Variants in IGSF5 observed in about 807,000 individuals in gnomAD.
IGSF5 encodes the protein immunoglobulin superfamily member 5, also known as immunoglobulin superfamily 5 like.
A neutral mutation model predicts 39.4 loss-of-function variants in IGSF5; 41 were observed. That is an observed-to-expected ratio of 1.04 (90% CI 0.81 to 1.35). IGSF5 has a LOEUF of 1.35. Ranked by LOEUF, IGSF5 falls within the 40% of genes most tolerant of loss-of-function variation. IGSF5 has a pLI of 0.00. For missense variants in IGSF5, 487 were observed against 494.6 expected, an observed-to-expected ratio of 0.98 and a Z score of 0.15; for synonymous variants, 183 against 175.3, an observed-to-expected ratio of 1.04 and a Z score of -0.34.
chr21:39,734,930 C>G, the IGSF5 span, among the ~76,000 whole-genome samples: 1 of 151,922 alleles, frequency 6.6e-6, no homozygotes, highest in Non-Finnish European at 1.5e-5. Context: ...GCGGCATGAT[C>G]TTAACTCACT....
At chr21:39,727,420 A>AGACT in the IGSF5 span, among the ~76,000 whole-genome samples, 1 of 152,170 alleles carries the variant, frequency 6.6e-6, no homozygotes, top group African/African-American at 2.4e-5. Context: ...AACACAGCTG[A>AGACT]GACTGAGGAG....
rs1378026066 is a variant in IGSF5, at chr21:39,801,501, T to C, written c.*144T>C. 10 of 515,342 alleles carry C rather than the reference T, an allele frequency of 1.9e-5. No individual in the cohort carries two copies. In the East Asian group the frequency reaches 2.6e-4, roughly 13 times the overall value. 31.9% of individuals were successfully genotyped at this position (515,342 alleles called of 1,614,324 possible). Reference sequence around the variant, plus strand: ...ATGTCGGAGTCATCAGAACTGATACTTGACAGTGAGAGAAGGAATCGATTT... The same window carrying C: ...ATGTCGGAGTCATCAGAACTGATACCTGACAGTGAGAGAAGGAATCGATTT... On this transcript the variant is annotated 3_prime_UTR_variant, in exon 9 of 9. Transcript: ENST00000380588.
intron 6 of IGSF5, 47 bp downstream of exon 6, chr21:39,788,235 T>A (rs372177091): frequency 1.5e-5 from 21 of 1,369,658 alleles, no homozygotes; most frequent in Admixed American, 1.8e-5. Flanking sequence ...ACAAAAAAAA[T>A]TGAACAACAA....
chr21:39,772,408 T>G (rs989732299), intron 4 of IGSF5, among the ~76,000 whole-genome samples: 6 of 152,168 alleles, frequency 3.9e-5, no homozygotes, highest in Non-Finnish European at 8.8e-5. Flanking sequence ...ATGGCTGCCG[T>G]AACGGAGGAC....
chr21:39,743,205 C>T (rs531566178), upstream of IGSF5, among the ~76,000 whole-genome samples: 2 of 152,258 alleles, frequency 1.3e-5, no homozygotes, highest in South Asian at 4.1e-4. Context: ...TGCCTGCTGC[C>T]CTGTGGGGAA....
At chr21:39,785,150 C>T (rs1426456163) in intron 5 of IGSF5, among the ~76,000 whole-genome samples, 9 of 151,900 alleles carry the variant, frequency 5.9e-5, no homozygotes, top group Admixed American at 5.9e-4. Context: ...ATTAACTCGT[C>T]ATTTAATGTT....
chr21:39,744,415 C>G (rs78149091), upstream of IGSF5, among the ~76,000 whole-genome samples: 5 of 152,244 alleles, frequency 3.3e-5, no homozygotes, highest in African/African-American at 9.6e-5. Context: ...TACTTTAAGG[C>G]TTGGCTGAGT....
chr21:39,724,370 G>T, the IGSF5 span, among the ~76,000 whole-genome samples: 2 of 152,160 alleles, frequency 1.3e-5, no homozygotes, highest in Non-Finnish European at 2.9e-5. Flanking sequence ...TCGGTGATAT[G>T]GTTTGGCTGT....
intron 2 of IGSF5, among the ~76,000 whole-genome samples, chr21:39,748,299 A>ATTTTTTTTTTTT (rs1569246431): frequency 4.6e-5 from 2 of 43,742 alleles, no homozygotes; most frequent in African/African-American, 1.0e-4. Flanking sequence ...AGAAAACAAG[A>ATTTTTTTTTTTT]TCTTTTTTTT....
intron 5 of IGSF5, among the ~76,000 whole-genome samples, chr21:39,787,899 TG>T (rs1177926863): frequency 1.7e-4 from 26 of 152,238 alleles, no homozygotes; most frequent in African/African-American, 5.8e-4. Flanking sequence ...TAAATACCCC[TG>T]GGTGACTGAA....
the IGSF5 span, among the ~76,000 whole-genome samples, chr21:39,715,486 G>A: frequency 7.2e-5 from 11 of 152,240 alleles, no homozygotes; most frequent in African/African-American, 1.9e-4. Context: ...GTTTTCATCT[G>A]AGCCATAGCA....
chr21:39,762,665 A>G (rs1358573725), intron 2 of IGSF5, among the ~76,000 whole-genome samples: 1 of 152,164 alleles, frequency 6.6e-6, no homozygotes, highest in Admixed American at 6.5e-5. Flanking sequence ...CTATTTCAAG[A>G]TACGGCAAAT....
rs2079974390 is a variant in IGSF5, at chr21:39,746,284, C to T, written c.86C>T (p.Thr29Ile). 1 of 701,170 alleles carries T rather than the reference C, an allele frequency of 1.4e-6. No homozygotes were observed. Among genetic ancestry groups the T allele is most frequent in the East Asian group, 2.7e-5 (1 of 37,270 alleles). 43.4% of individuals were successfully genotyped at this position (701,170 alleles called of 1,614,324 possible). The change falls in exon 2 of 9, where the codon ACA becomes ATA. Residue 29 changes from threonine to isoleucine, a missense_variant. Physicochemically the swap from Thr to Ile is moderately conservative, Grantham distance 89. Coordinates refer to ENST00000380588, the MANE Select transcript of IGSF5 (RefSeq NM_001080444.2). ...GCGGCGGGTCTGCGATGGTGGCAAA[C>T]AGCAGTGGTGGACGGTGAGTGAAAG... is the stretch of plus-strand genomic sequence containing the variant. ...KSAAGLRWWQTAVVDGSGSGN... is the reference protein window; with the variant it reads ...KSAAGLRWWQIAVVDGSGSGN...
chr21:39,734,435 A>AT, the IGSF5 span, among the ~76,000 whole-genome samples: 1 of 94,616 alleles, frequency 1.1e-5, no homozygotes, highest in Admixed American at 1.1e-4. Context: ...AAAAAAAAAA[A>AT]AAATACACAC....
chr21:39,786,123 A>G (rs1020264702), intron 5 of IGSF5, among the ~76,000 whole-genome samples: 5 of 151,756 alleles, frequency 3.3e-5, no homozygotes, highest in Non-Finnish European at 7.4e-5. Flanking sequence ...TAATTAAACT[A>G]AAGAGCTTCT....
the IGSF5 span, among the ~76,000 whole-genome samples, chr21:39,717,752 T>C: frequency 1.3e-4 from 20 of 152,372 alleles, no homozygotes; most frequent in African/African-American, 4.3e-4. Context: ...AGCCTTGTAG[T>C]ATAGTTTGAA....
At chr21:39,735,455 A>G in the IGSF5 span, among the ~76,000 whole-genome samples, 4 of 152,314 alleles carry the variant, frequency 2.6e-5, no homozygotes, top group South Asian at 8.3e-4. Context: ...AGATTACAAA[A>G]AGTTAAATAT....
chr21:39,725,070 G>A, the IGSF5 span, among the ~76,000 whole-genome samples: 7 of 152,166 alleles, frequency 4.6e-5, no homozygotes, highest in Admixed American at 1.3e-4. Flanking sequence ...AAACTCAAGC[G>A]GATGCTATTC....
At chr21:39,744,512 A>T (rs2079962957), upstream of IGSF5, among the ~76,000 whole-genome samples, 1 of 152,172 alleles carries the variant, frequency 6.6e-6, no homozygotes, top group South Asian at 2.1e-4. Context: ...CAATTACTGA[A>T]TACCCATTGT....
Sources: gnomAD v4.1 joint callset for allele counts (sites outside exome capture counted in the v4.1 genomes callset) on GRCh38, gnomAD v4.1.1 for gene constraint, MANE v1.5 for transcripts, NCBI Gene and HGNC (gene_info 2026-07-23, HGNC 2026-07-21) for gene names.